Variants in OGG1 observed in about 807,000 individuals in gnomAD.
OGG1 encodes the protein N-glycosylase/DNA lyase.
A neutral mutation model predicts 42.3 loss-of-function variants in OGG1; 35 were observed. That is an observed-to-expected ratio of 0.83 (90% CI 0.63 to 1.10). OGG1 has a LOEUF of 1.10. Among genes scored for constraint, OGG1 ranks in the 50% least tolerant of loss-of-function variants. The pLI, the probability that OGG1 is intolerant of heterozygous loss-of-function variation, is 0.00. For synonymous variants in OGG1, 189 were observed against 179.0 expected (o/e 1.06, Z -0.44); for missense variants, 484 against 446.7 (o/e 1.08, Z -0.75).
At chr3:9,790,338 C>A (rs943096691), downstream of OGG1, among the ~76,000 whole-genome samples, 4 of 152,210 alleles carry the variant, frequency 2.6e-5, no homozygotes, top group Admixed American at 1.3e-4. Flanking sequence ...TAAAATACAA[C>A]TTGAGTCATA....
At chr3:9,760,529 C>T (rs574438418), downstream of OGG1, 29 of 917,752 alleles carry the variant, frequency 3.2e-5, no homozygotes, top group South Asian at 3.1e-4. Context: ...TGTCTGGTCT[C>T]GAAGACAGCT....
downstream of OGG1, chr3:9,769,940 C>T (rs1354705785): frequency 2.0e-5 from 3 of 152,392 alleles, no homozygotes; most frequent in South Asian, 6.2e-4. Flanking sequence ...CGCGCTCTTG[C>T]TGGAGCTGGG....
chr3:9,764,910 A>C (rs1296049203), intron 7 of OGG1, among the ~76,000 whole-genome samples: 3 of 152,060 alleles, frequency 2.0e-5, no homozygotes, highest in Non-Finnish European at 4.4e-5. Flanking sequence ...ACTGTATACA[A>C]ATCCCTGTCC....
At chr3:9,767,569 G>A (rs977367096), downstream of OGG1, 4 of 1,495,636 alleles carry the variant, frequency 2.7e-6, no homozygotes, top group African/African-American at 4.1e-5. Context: ...ACAGGGCCTG[G>A]GCTGTGGGAA....
chr3:9,750,697 A>G (rs929463104), intron 1 of OGG1: 1 of 683,844 alleles, frequency 1.5e-6, no homozygotes, highest in African/African-American at 1.8e-5. Flanking sequence ...AGGAATGCAG[A>G]GAGGCCCATT....
intron 3 of OGG1, 86 bp from the exon 4 acceptor site, chr3:9,754,618 T>C: frequency 6.9e-7 from 1 of 1,441,314 alleles, no homozygotes; most frequent in Non-Finnish European, 9.6e-7. Flanking sequence ...AAAGCACTCT[T>C]GTGAGGTAGA....
chr3:9,774,960 T>TA (rs575123778), intron 2 of OGG1, among the ~76,000 whole-genome samples: 3 of 127,880 alleles, frequency 2.3e-5, no homozygotes, highest in African/African-American at 9.4e-5. Context: ...GTTTGAGTAA[T>TA]TTTTTTTTTT....
chr3:9,780,083 A>G (rs1421082070), intron 2 of OGG1: 3 of 357,158 alleles, frequency 8.4e-6, no homozygotes, highest in Non-Finnish European at 1.5e-5. Context: ...GGGGATGGTA[A>G]AGAGGGGAAG....
chr3:9,787,420 T>A (rs1428632372), intron 3 of OGG1: 5 of 1,516,006 alleles, frequency 3.3e-6, no homozygotes, highest in Non-Finnish European at 4.4e-6. Context: ...CTTACCTATC[T>A]TATATCTCTC....
downstream of OGG1, among the ~76,000 whole-genome samples, chr3:9,789,087 C>T (rs986755315): frequency 1.1e-4 from 16 of 152,188 alleles, no homozygotes; most frequent in Admixed American, 6.5e-4. Context: ...CTGCCCGCCC[C>T]GGCCTCCCAA....
chr3:9,789,914 A>G, downstream of OGG1: 1 of 1,612,690 alleles, frequency 6.2e-7, no homozygotes, highest in Non-Finnish European at 8.5e-7. Context: ...GTCTCGACCC[A>G]GCTTCAGGAA....
chr3:9,778,410 CCTT>C (rs2078392044), intron 2 of OGG1, among the ~76,000 whole-genome samples: 1 of 152,194 alleles, frequency 6.6e-6, no homozygotes, highest in Non-Finnish European at 1.5e-5. Flanking sequence ...TTGTAATAGG[CCTT>C]TTTTAGTTAC....
chr3:9,761,411 C>A, downstream of OGG1: 2 of 1,560,232 alleles, frequency 1.3e-6, no homozygotes, highest in South Asian at 1.2e-5. Flanking sequence ...GGAAAGTAGG[C>A]GAGAGGACAA....
intron 7 of OGG1, chr3:9,765,659 C>A: frequency 7.2e-7 from 1 of 1,385,920 alleles, no homozygotes; most frequent in African/African-American, 1.4e-5. Context: ...CAATTTAAGG[C>A]TTAGAGAGTT....
chr3:9,773,269 C>T (rs1225590118), intron 2 of OGG1, among the ~76,000 whole-genome samples: 1 of 150,882 alleles, frequency 6.6e-6, no homozygotes, highest in Admixed American at 6.6e-5. Context: ...GTGGCTAACG[C>T]CTATAATTCC....
chr3:9,780,635 G>T, intron 2 of OGG1: 1 of 1,389,904 alleles, frequency 7.2e-7, no homozygotes, highest in Non-Finnish European at 9.6e-7. Flanking sequence ...CTACCCACCA[G>T]CCCAGGCTGG....
chr3:9,767,498 C>A (rs899593093), downstream of OGG1, among the ~76,000 whole-genome samples: 2 of 152,198 alleles, frequency 1.3e-5, no homozygotes, highest in East Asian at 3.8e-4. Flanking sequence ...AGCCCGTGTC[C>A]CACCCACTGT....
downstream of OGG1, among the ~76,000 whole-genome samples, chr3:9,790,271 C>T (rs61611111): frequency 1.3e-5 from 2 of 152,358 alleles, no homozygotes; most frequent in East Asian, 1.9e-4. Flanking sequence ...ACCTTCACTT[C>T]GATGTCACCA....
At position 9,786,372 on chromosome 3, in the gene OGG1, A is replaced by G. The variant is rs78390946; in HGVS notation, c.383-1356A>G. On this transcript the variant is annotated intron_variant, in intron 3 of 3. Coordinates refer to the OGG1 transcript ENST00000426518. ...AGACCTGCCCCTTCCCCTACCTTAG[A>G]TAACCTGCAACATGTACCCAGACTG... Among the ~76,000 whole-genome samples, 351 of 152,294 alleles carry G rather than the reference A, an allele frequency of 2.3e-3. 6 individuals carry two copies. In the East Asian group the frequency reaches 0.053, roughly 23 times the overall value.
Sources: allele counts gnomAD v4.1 joint callset (sites outside exome capture counted in the v4.1 genomes callset), GRCh38; gene constraint gnomAD v4.1.1; transcripts MANE v1.5; gene names NCBI Gene and HGNC (gene_info 2026-07-23, HGNC 2026-07-21).